CYB5B: variants seen among roughly 807,000 people sequenced by gnomAD.
CYB5B encodes the protein cytochrome b5 type B (outer mitochondrial membrane).
CYB5B carries 14 observed loss-of-function variants against 21.3 expected under a neutral mutation model. That is an observed-to-expected ratio of 0.66 (90% CI 0.43 to 1.03). The LOEUF (loss-of-function observed/expected upper bound fraction) is 1.03, where lower values mean the gene tolerates loss of function less well. CYB5B is among the 50% of genes least tolerant of loss of function. The pLI, the probability that CYB5B is intolerant of heterozygous loss-of-function variation, is 0.00. For missense variants in CYB5B, 166 were observed against 185.1 expected (o/e 0.90, Z 0.60); for synonymous variants, 69 against 68.4 (o/e 1.01, Z -0.04).
rs1220074492 is a variant in CYB5B at position 69,465,953 on chromosome 16, C to T, written c.*3433C>T. ...GAAGAAGGTTCCAAAGAAGCAGAGG[C>T]ATTTGTCAAGTTACCTACCCTATAT... On this transcript the variant is annotated 3_prime_UTR_variant, in exon 5 of 5. Transcript: ENST00000307892. 1 of 152,578 alleles carries T rather than the reference C, an allele frequency of 6.6e-6. No individual in the cohort carries two copies. The highest frequency in any genetic ancestry group is 1.5e-5 in the Non-Finnish European group (1 of 68,042). The allele number at this position is 152,578 out of a possible 1,614,324, so 9.5% of individuals were successfully genotyped here.
chr16:69,450,986 C>A (rs2014925698), intron 3 of CYB5B, among the ~76,000 whole-genome samples: 3 of 152,132 alleles, frequency 2.0e-5, no homozygotes, highest in African/African-American at 7.2e-5. Flanking sequence ...ACTTTTATAA[C>A]ACAGGTAAAT....
intron 1 of CYB5B, among the ~76,000 whole-genome samples, chr16:69,438,291 CTATT>C (rs1165054249): frequency 2.0e-5 from 3 of 152,136 alleles, no homozygotes; most frequent in Non-Finnish European, 4.4e-5. Flanking sequence ...TTTTGTGTAT[CTATT>C]CATCTGTTTA....
In CYB5B at chr16:69,462,944, T is replaced by A. The variant is rs763429881; in HGVS notation, c.*424T>A. ...ATTTTTCTTTTAAGTAAATTTTTTT[T>A]AAAAAATTCTGATTTAGGGCTAGGT... is the stretch of plus-strand genomic sequence containing the variant. On this transcript the variant is annotated 3_prime_UTR_variant, in exon 5 of 5. Coordinates refer to ENST00000307892, the MANE Select transcript of CYB5B (RefSeq NM_030579.3). 6.4e-4 allele frequency: 103 copies of A among 159,724 alleles called. No homozygotes were observed. The highest frequency in any genetic ancestry group is 8.8e-4 in the East Asian group (5 of 5,708). The allele number at this position is 159,724 out of a possible 1,614,324, so 9.9% of individuals were successfully genotyped here.
intron 3 of CYB5B, among the ~76,000 whole-genome samples, chr16:69,454,852 A>G (rs893735724): frequency 1.3e-5 from 2 of 152,186 alleles, no homozygotes; most frequent in African/African-American, 4.8e-5. Flanking sequence ...TGTAAGCTGT[A>G]TAGGCTGAAG....
intron 1 of CYB5B, among the ~76,000 whole-genome samples, chr16:69,425,132 ATTATCT>A (rs1264278402): frequency 2.0e-5 from 3 of 152,166 alleles, no homozygotes; most frequent in Admixed American, 6.5e-5. Flanking sequence ...CTAAGCCATC[ATTATCT>A]TTATTTTACA....
At chr16:69,435,606 A>G (rs1330849858) in intron 1 of CYB5B, among the ~76,000 whole-genome samples, 1 of 152,148 alleles carries the variant, frequency 6.6e-6, no homozygotes, top group African/African-American at 2.4e-5. Flanking sequence ...TTGCCTGTCC[A>G]GTGGAATTAA....
chr16:69,424,707 G>C lies in CYB5B; in HGVS notation c.24G>C (p.Ala8=), dbSNP rs370963418. The C allele has an allele frequency of 3.5e-5, 55 of 1,590,946 alleles. No homozygotes were observed. The highest frequency in any genetic ancestry group is 4.2e-5 in the Non-Finnish European group (49 of 1,168,586). ...GTATGTCCGGTTCAATGGCGACTGCGGAAGCTAGCGGCAGCGATGGGAAAG... is the reference window on the plus strand; with the variant it reads ...GTATGTCCGGTTCAATGGCGACTGCCGAAGCTAGCGGCAGCGATGGGAAAG... The part of the protein sequence containing the change: MSGSMAT[A]EASGSDGKGQ... Residue 8 remains alanine, a synonymous_variant, in exon 1 of 5, where the codon GCG becomes GCC. Transcript: ENST00000307892.
chr16:69,446,988 T>G (rs2014884673), intron 1 of CYB5B, among the ~76,000 whole-genome samples, 162 bp from the exon 2 acceptor site: 1 of 152,184 alleles, frequency 6.6e-6, no homozygotes, highest in South Asian at 2.1e-4. Context: ...ATCACAGAAG[T>G]TATGCTGTGT....
chr16:69,461,404 C>T (rs1386040444), intron 4 of CYB5B, among the ~76,000 whole-genome samples: 1 of 152,114 alleles, frequency 6.6e-6, no homozygotes, highest in Non-Finnish European at 1.5e-5. Context: ...ACAAAGCTAC[C>T]TGGCTGATAT....
intron 2 of CYB5B, among the ~76,000 whole-genome samples, chr16:69,447,537 G>C (rs1460756250): frequency 6.6e-6 from 1 of 151,978 alleles, no homozygotes; most frequent in Non-Finnish European, 1.5e-5. Flanking sequence ...CAGCTCCTCA[G>C]GAGGCTGAGG....
chr16:69,459,809 T>C (rs11649655), intron 4 of CYB5B, among the ~76,000 whole-genome samples: 53,394 of 151,938 alleles, frequency 0.35, 10,541 homozygotes, highest in Admixed American at 0.46. Flanking sequence ...GTATCAGATC[T>C]ATTACTTGAG....
At chr16:69,459,761 A>G (rs565776467) in intron 4 of CYB5B, among the ~76,000 whole-genome samples, 28 of 152,212 alleles carry the variant, frequency 1.8e-4, no homozygotes, top group Non-Finnish European at 3.8e-4. Context: ...ATCTCGAAGT[A>G]TTTCAGAGAA....
intron 1 of CYB5B, among the ~76,000 whole-genome samples, chr16:69,432,418 T>C (rs919704051): frequency 2.0e-5 from 3 of 152,218 alleles, no homozygotes; most frequent in Non-Finnish European, 4.4e-5. Flanking sequence ...TTTGCCCAAC[T>C]GTAGGCTAAC....
chr16:69,449,784 G>A (rs992077079), intron 3 of CYB5B: 4 of 152,202 alleles, frequency 2.6e-5, no homozygotes, highest in Non-Finnish European at 5.9e-5. Context: ...TGATAAGTAG[G>A]TAGCTAAGCC....
chr16:69,459,026 C>A, intron 3 of CYB5B, 67 bp from the exon 4 acceptor site: 1 of 1,414,424 alleles, frequency 7.1e-7, no homozygotes, highest in Non-Finnish European at 9.7e-7. Context: ...AGAAAATGTA[C>A]ATGTGCTATG....
chr16:69,424,662 CAGTT>C lies in CYB5B; in HGVS notation c.-19_-16del, dbSNP rs770356865. 36 of 1,513,388 alleles carry C rather than the reference CAGTT, an allele frequency of 2.4e-5. No homozygotes were observed. Among genetic ancestry groups the C allele is most frequent in the Middle Eastern group, 1.8e-4 (1 of 5,650 alleles). 93.7% of individuals were successfully genotyped at this position (1,513,388 alleles called of 1,614,324 possible). A position where few individuals can be genotyped will look rare whatever the true frequency, so the allele number is the denominator to read the frequency against. The stretch of plus-strand genomic sequence containing the variant: ...CTCAAGGAAAGTAGTCGCGGAATCT[CAGTT>C]AGCGGTGGAGAGGCAGTATGTCCGG... On this transcript the variant is annotated 5_prime_UTR_variant, in exon 1 of 5. Coordinates refer to ENST00000307892, the MANE Select transcript of CYB5B (RefSeq NM_030579.3).
chr16:69,430,170 T>C (rs1807856660), intron 1 of CYB5B, among the ~76,000 whole-genome samples: 1 of 152,134 alleles, frequency 6.6e-6, no homozygotes, highest in South Asian at 2.1e-4. Context: ...GCATCTCTCT[T>C]ATCAAGGGTA....
At chr16:69,446,748 T>C (rs1386606497) in intron 1 of CYB5B, among the ~76,000 whole-genome samples, 1 of 152,212 alleles carries the variant, frequency 6.6e-6, no homozygotes, top group Non-Finnish European at 1.5e-5. Flanking sequence ...TCAATAATAT[T>C]GGCAAAAGGA....
At chr16:69,436,067 C>G (rs796319522) in intron 1 of CYB5B, among the ~76,000 whole-genome samples, 1 of 152,216 alleles carries the variant, frequency 6.6e-6, no homozygotes, top group East Asian at 1.9e-4. Context: ...GTGACCTGAT[C>G]AAGGAATCTA....
Sources: gnomAD v4.1 joint callset for allele counts (sites outside exome capture counted in the v4.1 genomes callset) on GRCh38, gnomAD v4.1.1 for gene constraint, MANE v1.5 for transcripts, NCBI Gene and HGNC (gene_info 2026-07-23, HGNC 2026-07-21) for gene names.